Variants in NCOR2 observed in about 807,000 individuals in gnomAD.
NCOR2 encodes nuclear receptor corepressor 2.
Under a neutral mutation model 262.9 loss-of-function variants are expected in NCOR2, and 81 were observed. The observed-to-expected ratio is 0.31, with a 90% CI of 0.26 to 0.37. NCOR2 has a LOEUF of 0.37. NCOR2 is among the 10% of genes least tolerant of loss of function. NCOR2 has a pLI of 1.00. For missense variants in NCOR2, 3,385 were observed against 3,621.4 expected, an observed-to-expected ratio of 0.93 and a Z score of 1.68; for synonymous variants, 1,659 against 1,559.3, an observed-to-expected ratio of 1.06 and a Z score of -1.51.
intron 1 of NCOR2, among the ~76,000 whole-genome samples, chr12:124,501,092 A>G (rs1344692636): frequency 3.2e-4 from 38 of 118,592 alleles, no homozygotes; most frequent in Non-Finnish European, 1.7e-4. Context: ...ACACACACAC[A>G]CACACACACA....
intron 1 of NCOR2, among the ~76,000 whole-genome samples, chr12:124,532,130 G>A (rs1393492079): frequency 2.0e-5 from 3 of 152,084 alleles, no homozygotes; most frequent in Non-Finnish European, 4.4e-5. Flanking sequence ...CTCCAGGGTC[G>A]CCCTGAGATT....
chr12:124,352,724 G>T (rs2037595614), intron 27 of NCOR2, among the ~76,000 whole-genome samples: 1 of 152,216 alleles, frequency 6.6e-6, no homozygotes, highest in Non-Finnish European at 1.5e-5. Flanking sequence ...CATGGACAGA[G>T]AACAGAAATC....
intron 1 of NCOR2, among the ~76,000 whole-genome samples, chr12:124,491,982 C>A (rs2048106535): frequency 6.6e-6 from 1 of 152,198 alleles, no homozygotes; most frequent in Non-Finnish European, 1.5e-5. Context: ...AGTCAGGGAA[C>A]CTGGGGGCTT....
chr12:124,554,894 G>A (rs374554605), intron 1 of NCOR2, among the ~76,000 whole-genome samples: 7 of 152,264 alleles, frequency 4.6e-5, no homozygotes, highest in South Asian at 2.1e-4. Flanking sequence ...GAGCCTTCGA[G>A]GGTGACCCGG....
At chr12:124,419,401 G>A (rs1456002575) in intron 13 of NCOR2, among the ~76,000 whole-genome samples, 1 of 152,134 alleles carries the variant, frequency 6.6e-6, no homozygotes, top group Non-Finnish European at 1.5e-5. Flanking sequence ...AGAACAGATG[G>A]TGGGCCGGAT....
chr12:124,520,330 A>G (rs943884183), intron 1 of NCOR2, among the ~76,000 whole-genome samples: 3 of 152,232 alleles, frequency 2.0e-5, no homozygotes, highest in Non-Finnish European at 4.4e-5. Context: ...AGGCGGGACC[A>G]TGACACCCAG....
chr12:124,421,250 A>G (rs1385524067), intron 12 of NCOR2, among the ~76,000 whole-genome samples: 1 of 152,204 alleles, frequency 6.6e-6, no homozygotes, highest in Admixed American at 6.5e-5. Context: ...TGGAAGCTCT[A>G]CTGAAGCCTT....
At chr12:124,437,780 C>T (rs1460871390) in intron 8 of NCOR2, 150 bp downstream of exon 10, 12 of 369,066 alleles carry the variant, frequency 3.3e-5, no homozygotes, top group East Asian at 3.2e-4. Flanking sequence ...TCCTCCTTTC[C>T]TGGCCGGCCT....
At chr12:124,479,242 G>A (rs546827677) in intron 3 of NCOR2, among the ~76,000 whole-genome samples, 1 of 152,000 alleles carries the variant, frequency 6.6e-6, no homozygotes, top group Admixed American at 6.5e-5. Flanking sequence ...ACGTGCACAT[G>A]CACACACACG....
chr12:124,344,163 G>C (rs933577268), intron 32 of NCOR2, among the ~76,000 whole-genome samples: 1 of 152,200 alleles, frequency 6.6e-6, no homozygotes, highest in South Asian at 2.1e-4. Flanking sequence ...AGAGAAAGAG[G>C]GCCCAGGGGC....
In NCOR2 at chr12:124,335,375, G is replaced by C. The variant is rs951670365; in HGVS notation, c.6266-95C>G. On this transcript the variant is annotated intron_variant, in intron 39 of 46. Transcript: ENST00000405201. ...CCATGCCTTTGAGCCTCATGATCCA[G>C]CCAATTCCTTGGCCTTTAGGCACCT... 1.1e-4 allele frequency: 159 copies of C among 1,504,816 alleles called. 2 individuals carry two copies. Among genetic ancestry groups the C allele is most frequent in the Admixed American group, 4.0e-4 (19 of 47,156 alleles). The allele number at this position is 1,504,816 out of a possible 1,614,324, so 93.2% of individuals were successfully genotyped here.
intron 13 of NCOR2, among the ~76,000 whole-genome samples, chr12:124,407,642 G>A (rs2136226779): frequency 6.6e-6 from 1 of 152,346 alleles, no homozygotes; most frequent in African/African-American, 2.4e-5. Context: ...CCAGTGAGAA[G>A]GTGCTGCGAC....
intron 1 of NCOR2, among the ~76,000 whole-genome samples, chr12:124,551,436 C>T (rs1163353359): frequency 6.6e-6 from 1 of 152,220 alleles, no homozygotes; most frequent in African/African-American, 2.4e-5. Context: ...TGGAAAAGCC[C>T]AGGCCCCAGT....
intron 5 of NCOR2, among the ~76,000 whole-genome samples, chr12:124,464,003 C>T (rs1476388290): frequency 6.6e-6 from 1 of 152,176 alleles, no homozygotes; most frequent in Non-Finnish European, 1.5e-5. Context: ...TAAAAGTGGG[C>T]AGGAATAAAA....
rs202247185 is a variant in NCOR2, at chr12:124,449,901, T to C, written c.763-34A>G. The C allele has an allele frequency of 3.2e-3, 5,202 of 1,609,024 alleles. 12 individuals carry two copies. The highest frequency in any genetic ancestry group is 4.0e-3 in the Non-Finnish European group (4,747 of 1,177,846). The stretch of plus-strand genomic sequence containing the variant: ...GGAGAGAGAGAAGCACATCAGAGCC[T>C]GGCTGGCCACTCGCCACTACAGAGC... On this transcript the variant is annotated intron_variant, in intron 6 of 46. Transcript: ENST00000405201.
intron 13 of NCOR2, among the ~76,000 whole-genome samples, chr12:124,413,637 C>T (rs969392006): frequency 6.6e-6 from 1 of 152,120 alleles, no homozygotes; most frequent in Admixed American, 6.5e-5. Flanking sequence ...AGCCTCTCTG[C>T]GGCCACCCAC....
At chr12:124,333,897 C>CGCGCGCGTGTGTGTGT (rs1555299267) in intron 41 of NCOR2, among the ~76,000 whole-genome samples, 1 of 123,618 alleles carries the variant, frequency 8.1e-6, no homozygotes, top group African/African-American at 2.7e-5. Context: ...TGTGTGTGTG[C>CGCGCGCGTGTGTGTGT]GCGCGCATGT....
In NCOR2 at chr12:124,440,022, C is replaced by T. The variant is rs1264506628; in HGVS notation, c.816-2026G>A. 6.6e-6 allele frequency among the ~76,000 whole-genome samples: 1 copy of T among 151,960 alleles called. No homozygotes were observed. Among genetic ancestry groups the T allele is most frequent in the Non-Finnish European group, 1.5e-5 (1 of 67,968 alleles). On this transcript the variant is annotated intron_variant, in intron 7 of 46. Coordinates refer to ENST00000405201, the Ensembl canonical transcript of NCOR2. The surrounding 1 kb of genome is among the most constrained non-coding windows in gnomAD (Gnocchi z 5.7). ...CCTCTTCTCTTCCCAGGCCCCTCCC[C>T]ACGGTCTCCAACACACAAAGCAGGG... is the stretch of plus-strand genomic sequence containing the variant.
chr12:124,557,786 C>T (rs1200756472), intron 1 of NCOR2, among the ~76,000 whole-genome samples: 2 of 152,202 alleles, frequency 1.3e-5, no homozygotes, highest in Admixed American at 1.3e-4. Flanking sequence ...CCTTCCTCCC[C>T]TGGTTTACCC....
Sources: allele counts gnomAD v4.1 joint callset (sites outside exome capture counted in the v4.1 genomes callset), GRCh38; gene constraint gnomAD v4.1.1; non-coding constraint Gnocchi (gnomAD v3.1); transcripts MANE v1.5; gene names NCBI Gene and HGNC (gene_info 2026-07-23, HGNC 2026-07-21).